Variants in GON4L observed in about 807,000 individuals in gnomAD.
The protein encoded by GON4L is gon-4 like, also known as GON-4-like protein.
GON4L carries 87 observed loss-of-function variants against 211.8 expected under a neutral mutation model. The ratio of observed to expected loss-of-function variants is 0.41; its 90% confidence interval spans 0.35 to 0.49. GON4L has a LOEUF of 0.49. Among genes scored for constraint, GON4L ranks in the 20% least tolerant of loss-of-function variants. The probability of loss-of-function intolerance (pLI) is 0.15; values close to 1 mark genes in which losing one functional copy is unlikely to be tolerated. For missense variants in GON4L, 2,155 were observed against 2,659.5 expected (o/e 0.81, Z 4.17); for synonymous variants, 875 against 962.6 (o/e 0.91, Z 1.68).
At chr1:155,808,654 T>C (rs1667394655) in intron 10 of GON4L, among the ~76,000 whole-genome samples, 1 of 152,046 alleles carries the variant, frequency 6.6e-6, no homozygotes, top group Non-Finnish European at 1.5e-5. Flanking sequence ...TTTTTGACAG[T>C]CTTGCTCTGT....
At chr1:155,781,400 C>T (rs1476220550) in intron 14 of GON4L, among the ~76,000 whole-genome samples, 1 of 152,020 alleles carries the variant, frequency 6.6e-6, no homozygotes, top group African/African-American at 2.4e-5. Context: ...CCTGCTTCGG[C>T]ATCCCAAAGT....
intron 12 of GON4L, among the ~76,000 whole-genome samples, chr1:155,791,932 CATA>C (rs757672531): frequency 7.5e-6 from 1 of 133,130 alleles, no homozygotes; most frequent in African/African-American, 2.8e-5. Flanking sequence ...CATCACATAA[CATA>C]ACATAACATA....
chr1:155,750,022 G>A lies in GON4L; in HGVS notation c.*562C>T, dbSNP rs1660422274. 8 of 1,328,050 alleles carry A rather than the reference G, an allele frequency of 6.0e-6. No individual in the cohort carries two copies. In the South Asian group the frequency reaches 6.3e-5, roughly 10 times the overall value. The allele number at this position is 1,328,050 out of a possible 1,614,324, so 82.3% of individuals were successfully genotyped here. A position where few individuals can be genotyped will look rare whatever the true frequency, so the allele number is the denominator to read the frequency against. On this transcript the variant is annotated 3_prime_UTR_variant, in exon 32 of 32. Transcript: ENST00000368331. The stretch of plus-strand genomic sequence containing the variant: ...AGAGACCTCACCAAACTCGACTTGC[G>A]GCGCTGGGCCAGCTTCATGGATGCT...
intron 17 of GON4L, chr1:155,773,531 C>A: frequency 3.4e-6 from 1 of 292,402 alleles, no homozygotes; most frequent in Non-Finnish European, 6.5e-6. Context: ...TGTTTTACCT[C>A]CTTCCCCCCT....
intron 2 of GON4L, among the ~76,000 whole-genome samples, chr1:155,840,130 CT>C (rs1208929611): frequency 1.3e-5 from 2 of 152,192 alleles, no homozygotes; most frequent in African/African-American, 4.8e-5. Context: ...TAACTTGATT[CT>C]ATACTCTTGG....
At chr1:155,801,721 A>T (rs1456157455) in intron 11 of GON4L, among the ~76,000 whole-genome samples, 1 of 152,040 alleles carries the variant, frequency 6.6e-6, no homozygotes, top group Non-Finnish European at 1.5e-5. Context: ...TGTCTCTACT[A>T]AAAATACAAA....
At chr1:155,754,338 G>T in intron 28 of GON4L, 37 bp downstream of exon 28, 1 of 1,223,978 alleles carries the variant, frequency 8.2e-7, no homozygotes, top group Non-Finnish European at 1.2e-6. Context: ...TCCCCCAGCA[G>T]CTCTGATACC....
intron 3 of GON4L, among the ~76,000 whole-genome samples, chr1:155,823,304 A>T (rs560518529): frequency 1.3e-5 from 2 of 152,226 alleles, no homozygotes; most frequent in African/African-American, 2.4e-5. Flanking sequence ...AACTTACCAC[A>T]TTAACAAAAT....
At chr1:155,833,138 T>C (rs1220794610) in intron 2 of GON4L, among the ~76,000 whole-genome samples, 1 of 152,178 alleles carries the variant, frequency 6.6e-6, no homozygotes, top group East Asian at 1.9e-4. Flanking sequence ...CAATAAATGT[T>C]TATTTAAATC....
intron 22 of GON4L, among the ~76,000 whole-genome samples, chr1:155,762,962 G>A (rs911578952): frequency 6.6e-6 from 1 of 151,972 alleles, no homozygotes; most frequent in Non-Finnish European, 1.5e-5. Context: ...CTTGAACCTG[G>A]GAGGCAGAGG....
intron 2 of GON4L, among the ~76,000 whole-genome samples, chr1:155,845,028 T>A (rs138454433): frequency 6.6e-6 from 1 of 152,102 alleles, no homozygotes; most frequent in African/African-American, 2.4e-5. Flanking sequence ...CCAATGCCCA[T>A]AAAATCAACA....
At chr1:155,747,689 G>A (rs768458697), downstream of GON4L, 45 of 1,613,726 alleles carry the variant, frequency 2.8e-5, no homozygotes, top group Middle Eastern at 1.6e-4. Flanking sequence ...AGGTAGTGGC[G>A]TGGCAATGTG....
chr1:155,772,938 T>C, intron 18 of GON4L, 128 bp downstream of exon 18: 1 of 1,250,960 alleles, frequency 8.0e-7, no homozygotes. Context: ...TCATCTATAT[T>C]GCTTTTCCTT....
intron 6 of GON4L, among the ~76,000 whole-genome samples, chr1:155,817,550 T>C (rs1321277459): frequency 6.6e-6 from 1 of 152,168 alleles, no homozygotes; most frequent in Non-Finnish European, 1.5e-5. Context: ...CCCATTTCCC[T>C]TTCCTACCTA....
chr1:155,801,185 A>G lies in GON4L; in HGVS notation c.1645+3764T>C, dbSNP rs1045381560. Among the ~76,000 whole-genome samples, 7 of 151,534 alleles carry G rather than the reference A, an allele frequency of 4.6e-5. No homozygotes were observed. The East Asian group carries it at 1.2e-3, about 25-fold the overall frequency. On this transcript the variant is annotated intron_variant, in intron 11 of 31. Coordinates refer to ENST00000368331, the MANE Select transcript of GON4L (RefSeq NM_001282860.2). ...TTTTGTGGAGATTTCTGAACCTGGTAGAAACAGGAAGTGTCAATAAACTTT... is the reference window on the plus strand; with the variant it reads ...TTTTGTGGAGATTTCTGAACCTGGTGGAAACAGGAAGTGTCAATAAACTTT...
intron 12 of GON4L, among the ~76,000 whole-genome samples, chr1:155,787,263 A>G: frequency 6.6e-6 from 1 of 152,190 alleles, no homozygotes; most frequent in East Asian, 1.9e-4. Flanking sequence ...TGGCTTAAAA[A>G]TAATGTGAAC....
intron 19 of GON4L, among the ~76,000 whole-genome samples, chr1:155,768,866 C>T (rs2101776003): frequency 1.3e-5 from 2 of 152,312 alleles, no homozygotes; most frequent in East Asian, 3.9e-4. Context: ...CTAGTTTCAT[C>T]CGTGGTGCTA....
chr1:155,761,288 C>G (rs1001009274), intron 23 of GON4L, among the ~76,000 whole-genome samples: 1 of 150,492 alleles, frequency 6.6e-6, no homozygotes, highest in African/African-American at 2.5e-5. Context: ...CCAAGTGATC[C>G]TCCCACCTCA....
intron 10 of GON4L, among the ~76,000 whole-genome samples, chr1:155,811,013 C>A (rs1228930428): frequency 6.6e-6 from 1 of 151,784 alleles, no homozygotes; most frequent in Admixed American, 6.6e-5. Flanking sequence ...ACTGTGACTC[C>A]ATATCCAAAA....
Sources: allele counts gnomAD v4.1 joint callset (sites outside exome capture counted in the v4.1 genomes callset), GRCh38; gene constraint gnomAD v4.1.1; transcripts MANE v1.5; gene names NCBI Gene and HGNC (gene_info 2026-07-23, HGNC 2026-07-21).